The following ARID4B variants were observed in gnomAD, a reference collection of about 807,000 sequenced individuals.
The protein encoded by ARID4B is AT-rich interactive domain-containing protein 4B.
Under a neutral mutation model 147.5 loss-of-function variants are expected in ARID4B, and 26 were observed. The ratio of observed to expected loss-of-function variants is 0.18; its 90% CI spans 0.13 to 0.24. The LOEUF (loss-of-function observed/expected upper bound fraction) is 0.24, where lower values mean the gene tolerates loss of function less well. Among genes scored for constraint, ARID4B ranks in the 10% least tolerant of loss-of-function variants. The pLI is 1.00. For synonymous variants in ARID4B, 512 were observed against 507.9 expected (o/e 1.01, Z -0.11); for missense variants, 1,179 against 1,511.5 (o/e 0.78, Z 3.65).
chr1:235,214,117 G>GT, intron 16 of ARID4B, 91 bp from the exon 17 acceptor site: 1 of 1,463,122 alleles, frequency 6.8e-7, no homozygotes, highest in Non-Finnish European at 9.0e-7. Flanking sequence ...AGTTGTGGCT[G>GT]TGATTGTTCC....
chr1:235,318,145 C>A (rs1474797308), intron 2 of ARID4B, among the ~76,000 whole-genome samples: 1 of 147,428 alleles, frequency 6.8e-6, no homozygotes, highest in Non-Finnish European at 1.5e-5. Context: ...TAAAAAAGAG[C>A]ATAGTATTAA....
intron 6 of ARID4B, among the ~76,000 whole-genome samples, chr1:235,250,297 T>C (rs1211535625): frequency 6.6e-6 from 1 of 152,078 alleles, no homozygotes; most frequent in Non-Finnish European, 1.5e-5. Flanking sequence ...AAGGACAATG[T>C]TATGGACTAC....
chr1:235,186,783 T>C (rs1664715263), intron 19 of ARID4B, among the ~76,000 whole-genome samples: 1 of 152,060 alleles, frequency 6.6e-6, no homozygotes, highest in Middle Eastern at 3.2e-3. Flanking sequence ...TGGAGTGCAG[T>C]GGTGCAGGTT....
chr1:235,271,276 G>A (rs1670969613), intron 2 of ARID4B, among the ~76,000 whole-genome samples: 1 of 152,070 alleles, frequency 6.6e-6, no homozygotes, highest in African/African-American at 2.4e-5. Flanking sequence ...AACTGCTTGA[G>A]CCCAGGAGGT....
intron 2 of ARID4B, among the ~76,000 whole-genome samples, chr1:235,322,918 G>A (rs1306519474): frequency 1.3e-5 from 2 of 151,906 alleles, no homozygotes; most frequent in African/African-American, 2.4e-5. Flanking sequence ...CACACACAGG[G>A]CATTAAAAAA....
intron 2 of ARID4B, among the ~76,000 whole-genome samples, chr1:235,288,552 A>T (rs1395843220): frequency 6.6e-6 from 1 of 152,216 alleles, no homozygotes; most frequent in African/African-American, 2.4e-5. Context: ...ATCAGTAAAC[A>T]CAAACTGTCG....
intron 2 of ARID4B, among the ~76,000 whole-genome samples, chr1:235,274,879 T>G (rs1671218041): frequency 1.3e-5 from 2 of 152,206 alleles, no homozygotes. Flanking sequence ...TATATATAAA[T>G]GTTAAGTCTG....
intron 2 of ARID4B, among the ~76,000 whole-genome samples, chr1:235,298,222 G>T (rs1324134218): frequency 1.3e-5 from 2 of 152,110 alleles, no homozygotes; most frequent in African/African-American, 4.8e-5. Context: ...TTGGCAACTG[G>T]TGATGCTAGG....
intron 22 of ARID4B, among the ~76,000 whole-genome samples, chr1:235,173,760 AAAAAAAAAAAAATATATATATAT>A (rs1663569929): frequency 1.9e-5 from 1 of 52,812 alleles, no homozygotes; most frequent in African/African-American, 1.0e-4. Context: ...AAAAAAAAAA[AAAAAAAAAAAAATATATATATAT>A]ATATATATAT....
chr1:235,201,389 G>A (rs546948318), intron 17 of ARID4B, among the ~76,000 whole-genome samples: 5 of 151,168 alleles, frequency 3.3e-5, no homozygotes, highest in East Asian at 1.9e-4. Context: ...GTGCGGTAGC[G>A]CCATCCTGGC....
intron 2 of ARID4B, among the ~76,000 whole-genome samples, chr1:235,298,569 T>C (rs1672915424): frequency 6.7e-6 from 1 of 148,604 alleles, no homozygotes; most frequent in Non-Finnish European, 1.5e-5. Flanking sequence ...TTTATATATA[T>C]CCATATATAT....
At chr1:235,184,386 G>A (rs1247935644) in intron 19 of ARID4B, among the ~76,000 whole-genome samples, 1 of 151,300 alleles carries the variant, frequency 6.6e-6, no homozygotes, top group Non-Finnish European at 1.5e-5. Flanking sequence ...CAAGAGACTA[G>A]GGTCTTAAAT....
At chr1:235,311,585 C>T (rs1032759714) in intron 2 of ARID4B, among the ~76,000 whole-genome samples, 1 of 151,696 alleles carries the variant, frequency 6.6e-6, no homozygotes, top group African/African-American at 2.4e-5. Context: ...ACCAGCCTGG[C>T]CAACGTGGCA....
chr1:235,172,373 T>TA (rs1290961039), intron 23 of ARID4B, among the ~76,000 whole-genome samples: 10 of 152,074 alleles, frequency 6.6e-5, no homozygotes, highest in African/African-American at 1.4e-4. Context: ...GGTCAGGAGT[T>TA]AGAGACCAGC....
chr1:235,313,444 T>A (rs1046587270), intron 2 of ARID4B, among the ~76,000 whole-genome samples: 1 of 152,106 alleles, frequency 6.6e-6, no homozygotes, highest in Non-Finnish European at 1.5e-5. Flanking sequence ...TTTTAACTCC[T>A]CTCTGGAGTA....
chr1:235,260,087 T>C (rs969622111), intron 3 of ARID4B, among the ~76,000 whole-genome samples: 17 of 152,348 alleles, frequency 1.1e-4, no homozygotes, highest in African/African-American at 4.1e-4. Flanking sequence ...TACACTCCTT[T>C]TTCTATATTA....
intron 6 of ARID4B, among the ~76,000 whole-genome samples, chr1:235,248,432 T>G (rs1669438557): frequency 6.6e-6 from 1 of 152,194 alleles, no homozygotes; most frequent in Admixed American, 6.5e-5. Flanking sequence ...TAATACTGTA[T>G]CACTATAGAG....
At chr1:235,183,934 A>G (rs1028171866) in intron 19 of ARID4B, among the ~76,000 whole-genome samples, 1 of 151,930 alleles carries the variant, frequency 6.6e-6, no homozygotes, top group Non-Finnish European at 1.5e-5. Flanking sequence ...CAGGTGTGCC[A>G]CATCCAGTGA....
chr1:235,176,489 A>C (rs2102908446), intron 21 of ARID4B, among the ~76,000 whole-genome samples: 1 of 146,994 alleles, frequency 6.8e-6, no homozygotes, highest in Middle Eastern at 3.5e-3. Context: ...TCTCAAAGCC[A>C]GAAATTATTC....
Sources: allele counts gnomAD v4.1 joint callset (sites outside exome capture counted in the v4.1 genomes callset), GRCh38; gene constraint gnomAD v4.1.1; transcripts MANE v1.5; gene names NCBI Gene and HGNC (gene_info 2026-07-23, HGNC 2026-07-21).